The following IL1RAPL2 variants were observed in gnomAD, a reference collection of about 807,000 sequenced individuals.
IL1RAPL2 encodes interleukin 1 receptor accessory protein like 2, also known as X-linked interleukin-1 receptor accessory protein-like 2.
In IL1RAPL2, 3 loss-of-function variants were observed where a neutral mutation model predicts 44.1. The observed-to-expected ratio is 0.07, with a 90% CI of 0.03 to 0.18. IL1RAPL2 has a LOEUF of 0.18. Ranked by LOEUF, IL1RAPL2 falls within the 10% of genes least tolerant of loss-of-function variation. The pLI is 1.00. For synonymous variants in IL1RAPL2, 181 were observed against 178.8 expected (o/e 1.01, Z -0.10); for missense variants, 391 against 496.4 (o/e 0.79, Z 2.02).
At chrX:104,597,346 T>TAA (rs763760189) in intron 1 of IL1RAPL2, among the ~76,000 whole-genome samples, 2 of 86,510 alleles carry the variant, frequency 2.3e-5, no homozygotes, top group East Asian at 3.7e-4. Flanking sequence ...CTCCATCTCT[T>TAA]AAAAAAAAAA....
chrX:105,031,718 G>C (rs1188681662), intron 2 of IL1RAPL2, among the ~76,000 whole-genome samples: 1 of 111,625 alleles, frequency 9.0e-6, no homozygotes, highest in African/African-American at 3.3e-5. Context: ...TTTTGGTTGT[G>C]TCTCTGCCAG....
At chrX:104,691,741 G>A (rs902878207) in intron 2 of IL1RAPL2, among the ~76,000 whole-genome samples, 5 of 111,785 alleles carry the variant, frequency 4.5e-5, no homozygotes, top group Non-Finnish European at 7.5e-5. Flanking sequence ...AAACAAGGAC[G>A]CTACTGCTAT....
chrX:104,882,605 A>G (rs770522841), intron 2 of IL1RAPL2, among the ~76,000 whole-genome samples: 1 of 111,518 alleles, frequency 9.0e-6, no homozygotes, highest in South Asian at 3.8e-4. Context: ...AAAATGGACC[A>G]ATCAGCACTC....
At chrX:105,383,085 G>T (rs918244368) in intron 5 of IL1RAPL2, among the ~76,000 whole-genome samples, 1 of 108,604 alleles carries the variant, frequency 9.2e-6, no homozygotes, top group African/African-American at 3.4e-5. Context: ...AAACCTGCAC[G>T]TTGTGCACAT....
chrX:105,658,075 T>C (rs2037689867), intron 6 of IL1RAPL2, among the ~76,000 whole-genome samples: 1 of 111,383 alleles, frequency 9.0e-6, no homozygotes, highest in African/African-American at 3.3e-5. Context: ...TAGAGTATAA[T>C]ACTATTAGTC....
intron 6 of IL1RAPL2, among the ~76,000 whole-genome samples, chrX:105,645,640 T>C (rs777719789): frequency 8.9e-6 from 1 of 111,993 alleles, no homozygotes; most frequent in East Asian, 2.8e-4. Context: ...GAAGGTTTGG[T>C]TGCTTCATCT....
chrX:105,147,041 C>T (rs1231654305), intron 2 of IL1RAPL2, among the ~76,000 whole-genome samples: 2 of 110,785 alleles, frequency 1.8e-5, no homozygotes, highest in African/African-American at 6.6e-5. Flanking sequence ...TTCTCCAGGC[C>T]CCTCAGGAAG....
At chrX:104,888,204 G>A (rs979238257) in intron 2 of IL1RAPL2, among the ~76,000 whole-genome samples, 4 of 105,131 alleles carry the variant, frequency 3.8e-5, no homozygotes, top group Non-Finnish European at 7.8e-5. Context: ...GGAAAGACCA[G>A]AAGAAAGAAA....
intron 1 of IL1RAPL2, among the ~76,000 whole-genome samples, chrX:104,576,981 G>A (rs768126290): frequency 8.9e-5 from 10 of 111,958 alleles, no homozygotes; most frequent in Non-Finnish European, 1.7e-4. Flanking sequence ...GTTTCCCATG[G>A]TAGTTATTTC....
At chrX:105,161,632 A>T (rs914075703) in intron 2 of IL1RAPL2, among the ~76,000 whole-genome samples, 3 of 111,644 alleles carry the variant, frequency 2.7e-5, no homozygotes, top group Non-Finnish European at 5.6e-5. Flanking sequence ...TGGGAAATGT[A>T]ATCTGCAGTA....
At chrX:105,247,007 C>T (rs1210950893) in intron 4 of IL1RAPL2, among the ~76,000 whole-genome samples, 1 of 110,276 alleles carries the variant, frequency 9.1e-6, no homozygotes, top group East Asian at 2.9e-4. Flanking sequence ...GTGCTGTGAC[C>T]CACTGGTTTG....
Position 104,674,578 on chromosome X carries a change from C to T in IL1RAPL2, c.82+15583C>T, listed in dbSNP as rs1930701645. Reference sequence around the variant, plus strand: ...ATTCTCTTTTTTTATTGTGTCTCTGCCTGGCTTTGGTATCAGAATTATGCT... The same window carrying T: ...ATTCTCTTTTTTTATTGTGTCTCTGTCTGGCTTTGGTATCAGAATTATGCT... On this transcript the variant is annotated intron_variant, in intron 2 of 10. Coordinates refer to ENST00000372582, the MANE Select transcript of IL1RAPL2 (RefSeq NM_017416.2). Among the ~76,000 whole-genome samples the T allele has an allele frequency of 6.3e-5, 7 of 111,063 alleles. No individual in the cohort carries two copies. The South Asian group carries it at 2.7e-3, about 42-fold the overall frequency.
chrX:105,560,351 T>G (rs969815996), intron 6 of IL1RAPL2, among the ~76,000 whole-genome samples: 2 of 112,159 alleles, frequency 1.8e-5, no homozygotes, highest in Non-Finnish European at 3.8e-5. Flanking sequence ...CCTCTCTTTC[T>G]TTAACTGTTG....
chrX:105,617,835 A>T lies in IL1RAPL2; in HGVS notation c.773-99532A>T, dbSNP rs764616706. On this transcript the variant is annotated intron_variant, in intron 6 of 10. Coordinates refer to ENST00000372582, the MANE Select transcript of IL1RAPL2 (RefSeq NM_017416.2). ...TCATCATGTGCTTCAGCATTCAAAG[A>T]TATCTTGACGCTCTCTTTAAGGGAT... Among the ~76,000 whole-genome samples the T allele has an allele frequency of 4.5e-5, 5 of 111,750 alleles. No individual in the cohort carries two copies. In the Admixed American group the frequency reaches 4.8e-4, roughly 11 times the overall value.
At chrX:104,945,670 A>T (rs1183281318) in intron 2 of IL1RAPL2, among the ~76,000 whole-genome samples, 2 of 112,229 alleles carry the variant, frequency 1.8e-5, no homozygotes, top group Non-Finnish European at 1.9e-5. Context: ...ACCCAAAGTG[A>T]AATGTATAGT....
chrX:105,470,711 G>T (rs1162648075), intron 5 of IL1RAPL2, among the ~76,000 whole-genome samples: 1 of 111,926 alleles, frequency 8.9e-6, no homozygotes, highest in Non-Finnish European at 1.9e-5. Flanking sequence ...TATTATAGAT[G>T]ATTTTGAAGC....
chrX:105,314,819 T>A (rs1249732483), intron 5 of IL1RAPL2, among the ~76,000 whole-genome samples: 1 of 111,631 alleles, frequency 9.0e-6, no homozygotes, highest in Non-Finnish European at 1.9e-5. Context: ...AAGTATCTAA[T>A]GTTTACAACA....
chrX:105,566,733 TAAAG>T (rs1163742105), intron 6 of IL1RAPL2, among the ~76,000 whole-genome samples: 28 of 111,568 alleles, frequency 2.5e-4, no homozygotes, highest in African/African-American at 8.8e-4. Flanking sequence ...AAAATTTTAA[TAAAG>T]AACATTTCAG....
At chrX:104,867,480 C>A (rs1301162216) in intron 2 of IL1RAPL2, among the ~76,000 whole-genome samples, 1 of 111,416 alleles carries the variant, frequency 9.0e-6, no homozygotes, top group Non-Finnish European at 1.9e-5. Flanking sequence ...TAGTTTAAAC[C>A]ATGCTTATTG....
Sources: gnomAD v4.1 joint callset for allele counts (sites outside exome capture counted in the v4.1 genomes callset) on GRCh38, gnomAD v4.1.1 for gene constraint, MANE v1.5 for transcripts, NCBI Gene and HGNC (gene_info 2026-07-23, HGNC 2026-07-21) for gene names.